Variants in STK3 observed in about 807,000 individuals in gnomAD.
STK3 encodes serine/threonine-protein kinase 3.
In STK3, 41 loss-of-function variants were observed where a neutral mutation model predicts 58.0. The observed-to-expected ratio is 0.71, with a 90% CI of 0.55 to 0.92. The LOEUF is 0.92. Ranked by LOEUF, STK3 falls within the 40% of genes least tolerant of loss-of-function variation. The pLI is 0.00. For synonymous variants in STK3, 170 were observed against 191.0 expected, an observed-to-expected ratio of 0.89 and a Z score of 0.91; for missense variants, 479 against 602.7, an observed-to-expected ratio of 0.79 and a Z score of 2.15.
At chr8:98,701,591 C>T (rs1013831810) in intron 6 of STK3, among the ~76,000 whole-genome samples, 1 of 151,400 alleles carries the variant, frequency 6.6e-6, no homozygotes, top group African/African-American at 2.4e-5. Flanking sequence ...CACCGTACTC[C>T]AGCCCAGACA....
intron 6 of STK3, among the ~76,000 whole-genome samples, chr8:98,615,003 G>A (rs958988885): frequency 7.2e-5 from 11 of 152,142 alleles, no homozygotes; most frequent in Admixed American, 2.0e-4. Context: ...CCACGTCTAG[G>A]GGCAGGGCAC....
At chr8:98,794,753 CA>C (rs1833019286) in intron 1 of STK3, among the ~76,000 whole-genome samples, 3 of 151,916 alleles carry the variant, frequency 2.0e-5, no homozygotes, top group Non-Finnish European at 2.9e-5. Context: ...ACATAAGACA[CA>C]AAAATCCTCA....
chr8:98,445,791 C>T (rs184366174), intron 1 of STK3, among the ~76,000 whole-genome samples: 6 of 152,234 alleles, frequency 3.9e-5, no homozygotes, highest in Admixed American at 3.3e-4. Flanking sequence ...CCCCTTTTTC[C>T]CCAACACCTA....
At chr8:98,927,249 A>T (rs143070737) in intron 1 of STK3, among the ~76,000 whole-genome samples, 1 of 152,334 alleles carries the variant, frequency 6.6e-6, no homozygotes, top group East Asian at 1.9e-4. Flanking sequence ...TGTCTTGTTC[A>T]GGGTTGGACC....
intron 8 of STK3, among the ~76,000 whole-genome samples, chr8:98,573,966 C>T (rs1813179538): frequency 6.6e-6 from 1 of 152,034 alleles, no homozygotes; most frequent in Admixed American, 6.6e-5. Context: ...ACCATCAGAC[C>T]TCATGATAAC....
At position 98,864,079 on chromosome 8, in the gene STK3, G is replaced by A. The variant is rs553614612; in HGVS notation, c.110+19568C>T. ...CCGGGTGTGGTGGCGGGTGCCTGTA[G>A]TCCCAGCTACTCCGGAGGCTGAGGC... On this transcript the variant is annotated intron_variant, in intron 3 of 12. Transcript: ENST00000523601. Among the ~76,000 whole-genome samples the A allele has an allele frequency of 2.6e-5, 4 of 151,408 alleles. No individual in the cohort carries two copies. The East Asian group carries it at 5.8e-4, about 22-fold the overall frequency.
chr8:98,379,027 G>C (rs887914745), intron 2 of STK3: 10 of 152,214 alleles, frequency 6.6e-5, no homozygotes, highest in African/African-American at 2.4e-4. Flanking sequence ...GCTGCTGGAG[G>C]CACCAAGGAT....
intron 1 of STK3, among the ~76,000 whole-genome samples, chr8:98,929,281 CA>C (rs370619372): frequency 2.0e-5 from 3 of 151,040 alleles, no homozygotes; most frequent in Non-Finnish European, 3.0e-5. Context: ...TGAACAACAA[CA>C]AAAAAAAACT....
chr8:98,418,433 GC>G (rs1818136049), intron 3 of STK3, among the ~76,000 whole-genome samples: 1 of 152,206 alleles, frequency 6.6e-6, no homozygotes, highest in South Asian at 2.1e-4. Context: ...GGAAACAGGA[GC>G]CCACAGAGGC....
chr8:98,485,130 A>T (rs993633875), intron 10 of STK3, among the ~76,000 whole-genome samples: 1 of 152,150 alleles, frequency 6.6e-6, no homozygotes, highest in Non-Finnish European at 1.5e-5. Flanking sequence ...AATCCCAGCC[A>T]CTTGGGAGGC....
intron 1 of STK3, among the ~76,000 whole-genome samples, chr8:98,910,281 A>G (rs1363889377): frequency 6.6e-6 from 1 of 152,344 alleles, no homozygotes; most frequent in African/African-American, 2.4e-5. Flanking sequence ...TTTTTAAAGT[A>G]ATTTTTTTAA....
At chr8:98,630,151 G>T (rs1819071910) in intron 6 of STK3, among the ~76,000 whole-genome samples, 1 of 152,076 alleles carries the variant, frequency 6.6e-6, no homozygotes, top group Admixed American at 6.5e-5. Context: ...TATGTGGCGT[G>T]GCATATATGC....
intron 6 of STK3, among the ~76,000 whole-genome samples, chr8:98,599,924 C>T (rs1441680441): frequency 2.6e-5 from 4 of 152,080 alleles, no homozygotes; most frequent in East Asian, 1.9e-4. Flanking sequence ...GCCAAGATCA[C>T]GCCATTGCAC....
intron 1 of STK3, among the ~76,000 whole-genome samples, chr8:98,796,706 T>C (rs1243173702): frequency 6.6e-6 from 1 of 152,176 alleles, no homozygotes; most frequent in Non-Finnish European, 1.5e-5. Context: ...TTGCAAACTA[T>C]GCAGCCGTCA....
At chr8:98,926,197 G>T (rs1268182534) in intron 1 of STK3, among the ~76,000 whole-genome samples, 2 of 152,146 alleles carry the variant, frequency 1.3e-5, no homozygotes, top group African/African-American at 2.4e-5. Context: ...CGCTGATAAG[G>T]GTTGGGGGGA....
At chr8:98,401,349 C>A (rs775655208), downstream of STK3, 3 of 152,214 alleles carry the variant, frequency 2.0e-5, no homozygotes. Context: ...CCCAGCCAAC[C>A]CCCAGAACCT....
At chr8:98,798,707 G>A (rs1833334820) in intron 1 of STK3, among the ~76,000 whole-genome samples, 1 of 152,180 alleles carries the variant, frequency 6.6e-6, no homozygotes, top group South Asian at 2.1e-4. Context: ...AACGGTCAAT[G>A]TCATGTATTA....
intron 1 of STK3, among the ~76,000 whole-genome samples, chr8:98,440,700 C>G (rs1297292202): frequency 6.6e-6 from 1 of 152,198 alleles, no homozygotes; most frequent in Non-Finnish European, 1.5e-5. Flanking sequence ...GAACATTTGT[C>G]TTCTCAGCTA....
At chr8:98,624,871 A>AG (rs1200563368) in intron 6 of STK3, among the ~76,000 whole-genome samples, 3 of 152,102 alleles carry the variant, frequency 2.0e-5, no homozygotes, top group Non-Finnish European at 4.4e-5. Flanking sequence ...GAAAAAAAAA[A>AG]GAAAGTGGTT....
Sources: gnomAD v4.1 joint callset for allele counts (sites outside exome capture counted in the v4.1 genomes callset) on GRCh38, gnomAD v4.1.1 for gene constraint, MANE v1.5 for transcripts, NCBI Gene and HGNC (gene_info 2026-07-23, HGNC 2026-07-21) for gene names.